Variants in BARHL1 observed in about 807,000 individuals in gnomAD.
BARHL1 encodes the protein barH-like 1 homeobox protein.
Under a neutral mutation model 20.1 loss-of-function variants are expected in BARHL1, and 2 were observed. That is an observed-to-expected ratio of 0.10 (90% CI 0.04 to 0.31). The LOEUF (loss-of-function observed/expected upper bound fraction) is 0.31. Among genes scored for constraint, BARHL1 ranks in the 10% least tolerant of loss-of-function variants. The pLI is 1.00. For missense variants in BARHL1, 397 were observed against 454.0 expected (o/e 0.87, Z 1.14); for synonymous variants, 213 against 209.9 (o/e 1.01, Z -0.13).
intron 1 of BARHL1, among the ~76,000 whole-genome samples, chr9:132,585,180 G>T (rs1830125074): frequency 6.6e-6 from 1 of 152,174 alleles, no homozygotes; most frequent in East Asian, 1.9e-4. Context: ...GGTTTGGAGC[G>T]AAGGGGGTAG....
rs183364605 is a variant in BARHL1 at position 132,589,685 on chromosome 9, A to G, written c.*163A>G. 8.0e-6 allele frequency: 8 copies of G among 997,340 alleles called. No homozygotes were observed. In the East Asian group the frequency reaches 3.0e-4, roughly 37 times the overall value. 61.8% of individuals were successfully genotyped at this position (997,340 alleles called of 1,614,324 possible). ...CCCCGAAGGGCCAAATGCCAAGTCCACTGAGGCCCGGACCCCGGACTGCGT... is the reference window on the plus strand; with the variant it reads ...CCCCGAAGGGCCAAATGCCAAGTCCGCTGAGGCCCGGACCCCGGACTGCGT... On this transcript the variant is annotated 3_prime_UTR_variant, in exon 3 of 3. Transcript: ENST00000263610.
intron 2 of BARHL1, 28 bp from the exon 3 acceptor site, chr9:132,589,200 C>T (rs563149546): frequency 1.9e-6 from 3 of 1,591,784 alleles, no homozygotes; most frequent in Non-Finnish European, 2.6e-6. Flanking sequence ...GCCCTGATCC[C>T]GCCATACGCG....
intron 1 of BARHL1, among the ~76,000 whole-genome samples, chr9:132,583,967 T>C (rs1830101809): frequency 6.6e-6 from 1 of 152,162 alleles, no homozygotes; most frequent in Non-Finnish European, 1.5e-5. Flanking sequence ...TTATGCAAGT[T>C]CCAGGGATTC....
intron 1 of BARHL1, among the ~76,000 whole-genome samples, chr9:132,584,922 A>T (rs1489511249): frequency 6.6e-6 from 1 of 152,208 alleles, no homozygotes; most frequent in African/African-American, 2.4e-5. Context: ...CATGGTTATT[A>T]TTTACCATTT....
rs1328120038 is a variant in BARHL1, at chr9:132,589,917, C to A, written c.*395C>A. 2.3e-5 allele frequency: 4 copies of A among 171,054 alleles called. No individual in the cohort carries two copies. The highest frequency in any genetic ancestry group is 3.7e-5 in the Non-Finnish European group (3 of 80,756). The allele number at this position is 171,054 out of a possible 1,614,324, so 10.6% of individuals were successfully genotyped here. On this transcript the variant is annotated 3_prime_UTR_variant, in exon 3 of 3. Transcript: ENST00000263610. Reference sequence around the variant, plus strand: ...CCCCTTCTACGCTCCAGGTGGAGAACAGCCCCTCTCCCCGCGCCCCCGCCA... The same window carrying A: ...CCCCTTCTACGCTCCAGGTGGAGAAAAGCCCCTCTCCCCGCGCCCCCGCCA...
intron 1 of BARHL1, among the ~76,000 whole-genome samples, chr9:132,584,121 A>AGAAG (rs67522848): frequency 0.1 from 14,943 of 144,056 alleles, 969 homozygotes; most frequent in East Asian, 0.28. Context: ...AAGGAAAGGG[A>AGAAG]GAAGGAAGGA....
rs371662867 is a variant in BARHL1, at chr9:132,582,797, T to C, written c.-1T>C. The stretch of plus-strand genomic sequence containing the variant: ...TGGGGAGGACAGGTCGCAGCTTGGC[T>C]ATGGAAGGCTCCAATGGCTTTGGGA... On this transcript the variant is annotated 5_prime_UTR_variant, in exon 1 of 3. Transcript: ENST00000263610. 1 of 1,581,568 alleles carries C rather than the reference T, an allele frequency of 6.3e-7. No homozygotes were observed. The highest frequency in any genetic ancestry group is 1.3e-5 in the African/African-American group (1 of 74,354).
rs532945004 is a variant in BARHL1 at position 132,588,953 on chromosome 9, G to A, written c.690-275G>A. ...AGCCGGGCTTTGGGGTCAGACAGCAGGGCTTAAAACCCAGGCTCCTTTTTG... is the reference window on the plus strand; with the variant it reads ...AGCCGGGCTTTGGGGTCAGACAGCAAGGCTTAAAACCCAGGCTCCTTTTTG... On this transcript the variant is annotated intron_variant, in intron 2 of 2. Transcript: ENST00000263610. 1.8e-3 allele frequency among the ~76,000 whole-genome samples: 267 copies of A among 152,306 alleles called. 2 individuals carry two copies. The highest frequency in any genetic ancestry group is 2.9e-3 in the South Asian group (14 of 4,830).
chr9:132,584,477 C>T (rs561883565), intron 1 of BARHL1, among the ~76,000 whole-genome samples: 2,679 of 151,014 alleles, frequency 0.018, 75 homozygotes, highest in Non-Finnish European at 0.023. Context: ...GCCCCCTCCC[C>T]CAACACCCCC....
chr9:132,587,608 T>C lies in BARHL1; in HGVS notation c.689+57T>C. 6.7e-7 allele frequency: 1 copy of C among 1,485,870 alleles called. No individual in the cohort carries two copies. The allele number at this position is 1,485,870 out of a possible 1,614,324, so 92.0% of individuals were successfully genotyped here. ...AGGGAACTTCCCCTTTCCTCACAGC[T>C]CCTGGAGGGGACCAGGAGTCTACAG... On this transcript the variant is annotated intron_variant, in intron 2 of 2. Transcript: ENST00000263610. The surrounding 1 kb of genome is among the most constrained non-coding windows in gnomAD (Gnocchi z 5.5).
intron 2 of BARHL1, 52 bp from the exon 3 acceptor site, chr9:132,589,176 C>T (rs1830179131): frequency 1.3e-6 from 2 of 1,546,510 alleles, no homozygotes; most frequent in Admixed American, 1.9e-5. Context: ...GGGCTGGGGT[C>T]GCTGGATGCC....
chr9:132,588,079 G>A (rs1266183211), intron 2 of BARHL1, among the ~76,000 whole-genome samples: 1 of 152,210 alleles, frequency 6.6e-6, no homozygotes, highest in Non-Finnish European at 1.5e-5. Flanking sequence ...CCCGAGGGGG[G>A]AACTGGCCAA....
rs772411789 is a variant in BARHL1, at chr9:132,589,442, G to A, written c.904G>A (p.Gly302Arg). The A allele has an allele frequency of 1.3e-5, 20 of 1,597,594 alleles. No individual in the cohort carries two copies. The highest frequency in any genetic ancestry group is 2.3e-5 in the East Asian group (1 of 43,330). Residue 302 changes from glycine to arginine, a missense_variant, in exon 3 of 3, where the codon GGA becomes AGA. Gly to Arg is a moderately radical substitution (Grantham distance 125). Coordinates refer to ENST00000263610, the MANE Select transcript of BARHL1 (RefSeq NM_020064.4). ...RPLVPRILIH[G>R]LQGASEPPPP... is the part of the protein sequence containing the mutation. Reference sequence around the variant, plus strand: ...TCTGGTGCCCCGCATCCTCATCCACGGACTCCAGGGCGCCAGCGAGCCGCC... The same window carrying A: ...TCTGGTGCCCCGCATCCTCATCCACAGACTCCAGGGCGCCAGCGAGCCGCC...
At chr9:132,585,131 G>C (rs1235780372) in intron 1 of BARHL1, among the ~76,000 whole-genome samples, 1 of 152,180 alleles carries the variant, frequency 6.6e-6, no homozygotes. Context: ...ATCTGATCGG[G>C]AGGTGACGAG....
In BARHL1 at chr9:132,582,709, T is replaced by G. The variant is rs1830087165; in HGVS notation, c.-89T>G. ...GCAGGCTCCCTGCCCGCCTTCCCCA[T>G]GCCAGCCCGCAGCTAGGGGCAGGGG... On this transcript the variant is annotated 5_prime_UTR_variant, in exon 1 of 3. The change abolishes an upstream ATG in the 5' untranslated region. Transcript: ENST00000263610. The G allele has an allele frequency of 8.0e-7, 1 of 1,252,980 alleles. No individual in the cohort carries two copies. Among genetic ancestry groups the G allele is most frequent in the Non-Finnish European group, 1.1e-6 (1 of 909,972 alleles). 77.6% of individuals were successfully genotyped at this position (1,252,980 alleles called of 1,614,324 possible).
intron 1 of BARHL1, 107 bp downstream of exon 1, chr9:132,583,370 C>T (rs1304092126): frequency 9.8e-7 from 1 of 1,018,186 alleles, no homozygotes; most frequent in Non-Finnish European, 1.4e-6. Flanking sequence ...TGGGGGCTCC[C>T]CCAGGGCTCA....
At position 132,582,940 on chromosome 9, in the gene BARHL1, G is replaced by A; in HGVS notation, c.143G>A (p.Cys48Tyr). The stretch of plus-strand genomic sequence containing the variant: ...CCACGCTCAGAGAGCAGCAGCGACT[G>A]CTCTTCGCCAGCCTCTCCAGGAAGG... The part of the protein sequence containing the change: ...LSPRSESSSD[C>Y]SSPASPGRDC... Residue 48 changes from cysteine (C) to tyrosine (Y), a missense_variant, in exon 1 of 3, where the codon TGC becomes TAC. By Grantham distance (194) the Cys-to-Tyr change is radical. Transcript: ENST00000263610. The A allele has an allele frequency of 4.3e-6, 7 of 1,613,450 alleles. No individual in the cohort carries two copies. The highest frequency in any genetic ancestry group is 5.9e-6 in the Non-Finnish European group (7 of 1,179,956).
chr9:132,584,468 C>T (rs1023377920), intron 1 of BARHL1, among the ~76,000 whole-genome samples: 5 of 147,468 alleles, frequency 3.4e-5, no homozygotes, highest in Non-Finnish European at 7.5e-5. Flanking sequence ...TATTGTCTTG[C>T]CCCCTCCCCC....
chr9:132,588,255 A>C (rs1282825361), intron 2 of BARHL1, among the ~76,000 whole-genome samples: 1 of 152,148 alleles, frequency 6.6e-6, no homozygotes, highest in African/African-American at 2.4e-5. Flanking sequence ...ACCGACACAC[A>C]CATCAATACA....
Sources: allele counts gnomAD v4.1 joint callset (sites outside exome capture counted in the v4.1 genomes callset), GRCh38; gene constraint gnomAD v4.1.1; non-coding constraint Gnocchi (gnomAD v3.1); transcripts MANE v1.5; gene names NCBI Gene and HGNC (gene_info 2026-07-23, HGNC 2026-07-21).